The following WDR36 variants were observed in gnomAD, a reference collection of about 807,000 sequenced individuals.
WDR36 encodes the protein WD repeat domain 36, also known as WD repeat-containing protein 36.
In WDR36, 63 loss-of-function variants were observed where a neutral mutation model predicts 112.7. The observed-to-expected ratio is 0.56, with a 90% CI of 0.46 to 0.69. The LOEUF (loss-of-function observed/expected upper bound fraction) is 0.69, where lower values mean the gene tolerates loss of function less well. Among genes scored for constraint, WDR36 ranks in the 30% least tolerant of loss-of-function variants. WDR36 has a pLI of 0.00. For synonymous variants in WDR36, 410 were observed against 362.2 expected (o/e 1.13, Z -1.50); for missense variants, 1,226 against 1,070.3 (o/e 1.15, Z -2.03).
chr5:111,095,914 C>T (rs1225370766), intron 2 of WDR36, among the ~76,000 whole-genome samples: 1 of 151,926 alleles, frequency 6.6e-6, no homozygotes, highest in African/African-American at 2.4e-5. Context: ...ACTTGTTTTA[C>T]CATCAAATAT....
intron 16 of WDR36, 41 bp from the exon 17 acceptor site, chr5:111,118,972 G>T: frequency 6.7e-7 from 1 of 1,503,608 alleles, no homozygotes; most frequent in Non-Finnish European, 9.3e-7. Context: ...CTCCTTTTTG[G>T]TAGAGTTCAA....
chr5:111,113,764 A>G (rs1159007351), intron 16 of WDR36, among the ~76,000 whole-genome samples: 1 of 152,112 alleles, frequency 6.6e-6, no homozygotes, highest in Non-Finnish European at 1.5e-5. Context: ...GAAGAGTCCC[A>G]AGGTGGTATG....
At chr5:111,110,980 C>A (rs1321438670) in intron 14 of WDR36, 27 bp downstream of exon 14, 3 of 1,609,124 alleles carry the variant, frequency 1.9e-6, no homozygotes, top group African/African-American at 2.7e-5. Flanking sequence ...AATGGATTTT[C>A]TCTTTGATTC....
In WDR36 at chr5:111,130,490, CTT is replaced by C. The variant is rs1561713421; in HGVS notation, c.*3611_*3612del. The C allele has an allele frequency of 5.8e-6, 1 of 172,744 alleles. No individual in the cohort carries two copies. Among genetic ancestry groups the C allele is most frequent in the Non-Finnish European group, 1.3e-5 (1 of 79,638 alleles). 10.7% of individuals were successfully genotyped at this position (172,744 alleles called of 1,614,324 possible). A position where few individuals can be genotyped will look rare whatever the true frequency, so the allele number is the denominator to read the frequency against. On this transcript the variant is annotated 3_prime_UTR_variant, in exon 23 of 23. Transcript: ENST00000513710. ...ATATATATATATGATATAATAAACA[CTT>C]TTTGACATTCTGGGAGTTTTACTTT...
chr5:111,107,118 TTTTA>T (rs1410582881), intron 11 of WDR36, among the ~76,000 whole-genome samples, 172 bp from the exon 12 acceptor site: 2 of 151,522 alleles, frequency 1.3e-5, no homozygotes, highest in African/African-American at 4.8e-5. Flanking sequence ...TACACACATT[TTTTA>T]TTTGTCAATT....
At chr5:111,103,572 G>A (rs1219907095) in intron 6 of WDR36, among the ~76,000 whole-genome samples, 1 of 151,670 alleles carries the variant, frequency 6.6e-6, no homozygotes, top group Non-Finnish European at 1.5e-5. Flanking sequence ...TGGCAGAATT[G>A]AAGCTGGGAA....
chr5:111,116,781 C>T (rs1753465009), intron 16 of WDR36, among the ~76,000 whole-genome samples: 1 of 152,154 alleles, frequency 6.6e-6, no homozygotes, highest in Non-Finnish European at 1.5e-5. Flanking sequence ...TCTACCCACA[C>T]ACCACAGCTG....
chr5:111,097,018 T>C (rs1753005555), intron 2 of WDR36, 61 bp from the exon 3 acceptor site: 1 of 1,173,172 alleles, frequency 8.5e-7, no homozygotes, highest in African/African-American at 1.5e-5. Context: ...ATATGTATAC[T>C]TGAGGTTTCT....
chr5:111,122,177 C>A (rs1161461860), intron 19 of WDR36, among the ~76,000 whole-genome samples: 1 of 152,108 alleles, frequency 6.6e-6, no homozygotes, highest in African/African-American at 2.4e-5. Context: ...GTCCACACAT[C>A]AGCTTTAAAG....
chr5:111,104,627 G>T, intron 8 of WDR36, 70 bp from the exon 9 acceptor site: 1 of 1,607,058 alleles, frequency 6.2e-7, no homozygotes. Context: ...GATTTATGTA[G>T]GGGGTGATTT....
At chr5:111,100,254 A>G (rs899771682) in intron 4 of WDR36, among the ~76,000 whole-genome samples, 1 of 152,000 alleles carries the variant, frequency 6.6e-6, no homozygotes, top group African/African-American at 2.4e-5. Flanking sequence ...CTGTTGATCA[A>G]ATTACAGAAA....
intron 14 of WDR36, 76 bp downstream of exon 14, chr5:111,111,029 G>GA: frequency 6.3e-7 from 1 of 1,578,482 alleles, no homozygotes; most frequent in Non-Finnish European, 8.7e-7. Context: ...TACCAAGTGG[G>GA]AAAAATCAGA....
intron 7 of WDR36, 48 bp downstream of exon 7, chr5:111,103,966 C>A (rs1296757194): frequency 6.2e-7 from 1 of 1,603,318 alleles, no homozygotes; most frequent in East Asian, 2.2e-5. Context: ...ACTTAAAATT[C>A]ATTACTTTAA....
At position 111,123,782 on chromosome 5, in the gene WDR36, C is replaced by T. The variant is rs554680358; in HGVS notation, c.2149-23C>T. 43 of 1,612,022 alleles carry T rather than the reference C, an allele frequency of 2.7e-5. No homozygotes were observed. In the African/African-American group the frequency reaches 5.5e-4, roughly 20 times the overall value. ...TGTTGGCAAGATAATTCCTATTTTT[C>T]TTTCTCATTTTCTCTTAATCAGAAA... is the stretch of plus-strand genomic sequence containing the variant. On this transcript the variant is annotated intron_variant, in intron 19 of 22. Coordinates refer to ENST00000513710, the MANE Select transcript of WDR36 (RefSeq NM_139281.3).
In WDR36 at chr5:111,103,840, C is replaced by G. The variant is rs764960186; in HGVS notation, c.652C>G (p.His218Asp). The change falls in exon 7 of 23, where the codon CAC becomes GAC. Residue 218 changes from histidine to aspartate, a missense_variant. His to Asp is a moderately conservative substitution (Grantham distance 81). Coordinates refer to ENST00000513710, the MANE Select transcript of WDR36 (RefSeq NM_139281.3). Reference protein sequence around the residue: ...IGLMSGQVIIHNIKFNETLMK... With the variant: ...IGLMSGQVIIDNIKFNETLMK... The stretch of plus-strand genomic sequence containing the variant: ...TCTTATGTCAGGTCAAGTTATCATT[C>G]ACAACATTAAATTTAATGAAACATT... The G allele has an allele frequency of 6.2e-6, 10 of 1,611,362 alleles. No individual in the cohort carries two copies. The highest frequency in any genetic ancestry group is 8.5e-6 in the Non-Finnish European group (10 of 1,178,240).
chr5:111,098,044 G>A (rs1753030426), intron 3 of WDR36, among the ~76,000 whole-genome samples: 1 of 152,202 alleles, frequency 6.6e-6, no homozygotes, highest in African/African-American at 2.4e-5. Flanking sequence ...ATGTGGTTCA[G>A]ATGTGGAGAC....
At position 111,120,610 on chromosome 5, in the gene WDR36, A is replaced by T. The variant is rs1196163079; in HGVS notation, c.2002+17A>T. Reference sequence around the variant, plus strand: ...AAACCCAAGGTAATTAGAAAATTGCAAAGTAATTTTTGAGGTGTAATATTA... The same window carrying T: ...AAACCCAAGGTAATTAGAAAATTGCTAAGTAATTTTTGAGGTGTAATATTA... On this transcript the variant is annotated intron_variant, in intron 18 of 22. Transcript: ENST00000513710. 1 of 1,586,210 alleles carries T rather than the reference A, an allele frequency of 6.3e-7. No homozygotes were observed. The highest frequency in any genetic ancestry group is 1.3e-5 in the African/African-American group (1 of 74,290).
At chr5:111,115,705 C>A (rs539011096) in intron 16 of WDR36, among the ~76,000 whole-genome samples, 1 of 152,158 alleles carries the variant, frequency 6.6e-6, no homozygotes, top group South Asian at 2.1e-4. Flanking sequence ...TGAGTAAACC[C>A]TTGAGTGTAT....
chr5:111,096,090 A>G (rs1380684020), intron 2 of WDR36, among the ~76,000 whole-genome samples: 4 of 152,226 alleles, frequency 2.6e-5, no homozygotes, highest in African/African-American at 9.6e-5. Context: ...ACAAATACTA[A>G]TATGGAATTT....
Sources: allele counts gnomAD v4.1 joint callset (sites outside exome capture counted in the v4.1 genomes callset), GRCh38; gene constraint gnomAD v4.1.1; transcripts MANE v1.5; gene names NCBI Gene and HGNC (gene_info 2026-07-23, HGNC 2026-07-21).